The following CSPP1 variants were observed in gnomAD, a reference collection of about 807,000 sequenced individuals.
The protein encoded by CSPP1 is centrosome and spindle pole associated protein 1, also known as centrosome and spindle pole-associated protein 1.
In CSPP1, 126 loss-of-function variants were observed where a neutral mutation model predicts 164.4. That is an observed-to-expected ratio of 0.77 (90% confidence interval 0.66 to 0.89). The LOEUF (loss-of-function observed/expected upper bound fraction) is 0.89. Ranked by LOEUF, CSPP1 falls within the 40% of genes least tolerant of loss-of-function variation. The pLI is 0.00. For synonymous variants in CSPP1, 472 were observed against 476.7 expected (o/e 0.99, Z 0.13); for missense variants, 1,395 against 1,449.8 (o/e 0.96, Z 0.61).
intron 9 of CSPP1, among the ~76,000 whole-genome samples, chr8:67,110,596 C>T (rs1010634853): frequency 1.3e-5 from 2 of 152,170 alleles, no homozygotes; most frequent in African/African-American, 4.8e-5. Context: ...TTTTATGCTT[C>T]CTATTGGATC....
At chr8:67,105,763 A>G in intron 8 of CSPP1, 142 bp from the exon 9 acceptor site, 1 of 603,168 alleles carries the variant, frequency 1.7e-6, no homozygotes. Context: ...TTTTACCTTA[A>G]CCTTAAAAAT....
At chr8:67,104,966 A>ATATTTT (rs1247108884) in intron 8 of CSPP1, among the ~76,000 whole-genome samples, 3 of 60,744 alleles carry the variant, frequency 4.9e-5, no homozygotes, top group African/African-American at 2.1e-4. Flanking sequence ...ATATATATAT[A>ATATTTT]TTTTTTTTTT....
Position 67,195,393 on chromosome 8 carries a change from TCACTGGTTGACCCTGATGACATCATGAAA to T in CSPP1, c.3485_3513del (p.Leu1162HisfsTer4), listed in dbSNP as rs770516051. The T allele has an allele frequency of 1.2e-6, 2 of 1,613,644 alleles. No homozygotes were observed. Among genetic ancestry groups the T allele is most frequent in the South Asian group, 2.2e-5 (2 of 91,070 alleles). On this transcript the variant is annotated frameshift_variant, in exon 31 of 31. Coordinates refer to ENST00000678616, the MANE Select transcript of CSPP1 (RefSeq NM_001382391.1). LOFTEE classifies it high-confidence loss of function. ...CTTGCCTCCTGTAGATGATGAGAGTTCACTGGTTGACCCTGATGACATCATGAAACACATAGGGGATGACGGATCAAACT... is the reference window on the plus strand; with the variant it reads ...CTTGCCTCCTGTAGATGATGAGAGTTCACATAGGGGATGACGGATCAAACT...
At position 67,148,570 on chromosome 8, in the gene CSPP1, A is replaced by C. The variant is rs185054722; in HGVS notation, c.1976-1213A>C. Reference sequence around the variant, plus strand: ...TTGTAACAGAATGTGAACCTTCCTGATTCTGAACTCCCATTCTCTTTTGTA... The same window carrying C: ...TTGTAACAGAATGTGAACCTTCCTGCTTCTGAACTCCCATTCTCTTTTGTA... On this transcript the variant is annotated intron_variant, in intron 17 of 30. Transcript: ENST00000678616. Among the ~76,000 whole-genome samples, 60 of 152,234 alleles carry C rather than the reference A, an allele frequency of 3.9e-4. No homozygotes were observed. In the East Asian group the frequency reaches 0.011, roughly 28 times the overall value.
intron 4 of CSPP1, among the ~76,000 whole-genome samples, chr8:67,090,776 C>G (rs1057089376): frequency 6.6e-6 from 1 of 152,052 alleles, no homozygotes; most frequent in Admixed American, 6.6e-5. Context: ...GAAAATAGTA[C>G]CTGCATAGTA....
At chr8:67,172,692 C>T (rs999588675) in intron 25 of CSPP1, 137 bp downstream of exon 25, 4 of 735,148 alleles carry the variant, frequency 5.4e-6, no homozygotes, top group Admixed American at 6.2e-5. Flanking sequence ...TGAAATGAAA[C>T]TTATGTATTC....
At chr8:67,108,899 T>C (rs546927751) in intron 9 of CSPP1, among the ~76,000 whole-genome samples, 5 of 152,354 alleles carry the variant, frequency 3.3e-5, no homozygotes, top group Non-Finnish European at 7.4e-5. Flanking sequence ...CCTTCACCAA[T>C]AGCTTGCAGC....
intron 24 of CSPP1, among the ~76,000 whole-genome samples, chr8:67,171,015 T>C (rs1324968057): frequency 6.7e-6 from 1 of 149,966 alleles, no homozygotes; most frequent in East Asian, 2.0e-4. Flanking sequence ...CTTGATCTCC[T>C]GACCTCGTGA....
At chr8:67,166,646 T>C (rs1467029969) in intron 24 of CSPP1, among the ~76,000 whole-genome samples, 2 of 152,184 alleles carry the variant, frequency 1.3e-5, no homozygotes, top group Non-Finnish European at 2.9e-5. Context: ...TTTTTTTCTA[T>C]ATTTACTTTT....
chr8:67,096,993 C>T (rs1463728900), intron 7 of CSPP1, among the ~76,000 whole-genome samples: 3 of 152,134 alleles, frequency 2.0e-5, no homozygotes, highest in Non-Finnish European at 4.4e-5. Flanking sequence ...GTTTTCAGTT[C>T]CTTTGAATGT....
intron 1 of CSPP1, chr8:67,064,812 C>G (rs1805190113): frequency 3.4e-6 from 1 of 293,690 alleles, no homozygotes; most frequent in African/African-American, 2.3e-5. Flanking sequence ...GCATCGGTGA[C>G]TACGAGTTAT....
intron 24 of CSPP1, among the ~76,000 whole-genome samples, chr8:67,172,197 T>C (rs1325207258): frequency 6.6e-6 from 1 of 150,388 alleles, no homozygotes; most frequent in Non-Finnish European, 1.5e-5. Context: ...GGTCTTGCTT[T>C]ATAGGCCAGG....
At chr8:67,071,662 C>G (rs946099497) in intron 1 of CSPP1, among the ~76,000 whole-genome samples, 1 of 152,158 alleles carries the variant, frequency 6.6e-6, no homozygotes, top group African/African-American at 2.4e-5. Context: ...TACTTCTGTC[C>G]AAGATTCTAT....
At chr8:67,080,462 A>G (rs989156789) in intron 3 of CSPP1, among the ~76,000 whole-genome samples, 3 of 152,184 alleles carry the variant, frequency 2.0e-5, no homozygotes, top group Admixed American at 2.0e-4. Context: ...TACCTTTCAT[A>G]AAAGGATTTG....
intron 17 of CSPP1, among the ~76,000 whole-genome samples, chr8:67,147,386 C>A (rs1463778245): frequency 6.6e-6 from 1 of 152,016 alleles, no homozygotes; most frequent in African/African-American, 2.4e-5. Flanking sequence ...CTATTTATTT[C>A]TTCTTTCTAC....
intron 30 of CSPP1, among the ~76,000 whole-genome samples, chr8:67,194,923 A>T (rs1478070123): frequency 6.6e-6 from 1 of 152,182 alleles, no homozygotes; most frequent in Non-Finnish European, 1.5e-5. Context: ...ATAACTTAAT[A>T]ATTTCCTTAT....
intron 12 of CSPP1, among the ~76,000 whole-genome samples, chr8:67,115,610 G>C (rs1817768706): frequency 6.6e-6 from 1 of 152,146 alleles, no homozygotes; most frequent in Non-Finnish European, 1.5e-5. Context: ...AGTGGAAGTT[G>C]TTGTGACCTG....
At chr8:67,149,167 A>G (rs1222955025) in intron 17 of CSPP1, among the ~76,000 whole-genome samples, 1 of 152,098 alleles carries the variant, frequency 6.6e-6, no homozygotes, top group Non-Finnish European at 1.5e-5. Context: ...TAGTGTCCTT[A>G]TGGTATGGCA....
intron 25 of CSPP1, chr8:67,174,985 T>A (rs1831270953): frequency 6.6e-6 from 2 of 302,686 alleles, no homozygotes; most frequent in Non-Finnish European, 1.3e-5. Flanking sequence ...TACCTGCACG[T>A]AGTCTGTGTT....
Sources: allele counts gnomAD v4.1 joint callset (sites outside exome capture counted in the v4.1 genomes callset), GRCh38; gene constraint gnomAD v4.1.1; transcripts MANE v1.5; gene names NCBI Gene and HGNC (gene_info 2026-07-23, HGNC 2026-07-21).